The following APBB2 variants were observed in gnomAD, a reference collection of about 807,000 sequenced individuals.
APBB2 encodes Fe65-like 1.
APBB2 carries 38 observed loss-of-function variants against 82.5 expected under a neutral mutation model. The observed-to-expected ratio is 0.46, with a 90% CI of 0.36 to 0.60. The LOEUF is 0.60. APBB2 is among the 20% of genes least tolerant of loss of function. APBB2 has a pLI of 0.00. For missense variants in APBB2, 772 were observed against 972.3 expected (o/e 0.79, Z 2.74); for synonymous variants, 341 against 368.2 (o/e 0.93, Z 0.85).
intron 1 of APBB2, among the ~76,000 whole-genome samples, chr4:41,188,521 C>T (rs955537213): frequency 6.6e-6 from 1 of 152,164 alleles, no homozygotes; most frequent in South Asian, 2.1e-4. Flanking sequence ...CCCTTTTCTG[C>T]CATGTGAGGA....
chr4:40,858,119 C>T (rs534382192), intron 12 of APBB2, among the ~76,000 whole-genome samples: 1 of 152,136 alleles, frequency 6.6e-6, no homozygotes, highest in East Asian at 1.9e-4. Context: ...GAGCGCCCCT[C>T]CCCCCATATA....
intron 1 of APBB2, among the ~76,000 whole-genome samples, chr4:41,144,852 C>T (rs753553202): frequency 1.3e-5 from 2 of 152,212 alleles, no homozygotes; most frequent in Non-Finnish European, 2.9e-5. Flanking sequence ...GGCATGGTGG[C>T]TTATGGCCTG....
intron 2 of APBB2, among the ~76,000 whole-genome samples, chr4:41,121,079 C>T (rs1029939282): frequency 2.0e-5 from 3 of 152,158 alleles, no homozygotes; most frequent in South Asian, 2.1e-4. Flanking sequence ...ACATGCTCAA[C>T]GGTGGAAAAC....
chr4:41,181,860 C>T (rs1771456108), intron 1 of APBB2, among the ~76,000 whole-genome samples: 2 of 149,776 alleles, frequency 1.3e-5, no homozygotes, highest in Non-Finnish European at 3.0e-5. Context: ...GCAGAAGAAT[C>T]GCTTGAACCT....
intron 4 of APBB2, among the ~76,000 whole-genome samples, chr4:41,033,668 G>A (rs957087188): frequency 9.7e-5 from 14 of 143,720 alleles, no homozygotes; most frequent in Admixed American, 6.3e-4. Flanking sequence ...ATTTTGCCAC[G>A]TAAAAATTAA....
At position 40,818,097 on chromosome 4, in the gene APBB2, G is replaced by A. The variant is rs144151129; in HGVS notation, c.2113-1838C>T. On this transcript the variant is annotated intron_variant, in intron 17 of 17. Coordinates refer to ENST00000508593, the MANE Select transcript of APBB2 (RefSeq NM_004307.2). ...CCTATACCACACAGCTGTAAAATATGCCTAAAAATTAAGCAGATTCAAAAG... is the reference window on the plus strand; with the variant it reads ...CCTATACCACACAGCTGTAAAATATACCTAAAAATTAAGCAGATTCAAAAG... Among the ~76,000 whole-genome samples the A allele has an allele frequency of 6.9e-3, 1,055 of 152,274 alleles. 7 individuals carry two copies. Among genetic ancestry groups the A allele is most frequent in the Non-Finnish European group, 0.012 (812 of 68,018 alleles).
At chr4:41,136,259 T>C (rs973192666) in intron 2 of APBB2, among the ~76,000 whole-genome samples, 6 of 152,294 alleles carry the variant, frequency 3.9e-5, no homozygotes, top group African/African-American at 1.4e-4. Context: ...CAGAACATTA[T>C]ACTACACTCC....
intron 7 of APBB2, 122 bp downstream of exon 7, chr4:40,944,743 C>T (rs1293849730): frequency 2.2e-6 from 2 of 911,810 alleles, no homozygotes; most frequent in African/African-American, 1.7e-5. Context: ...ATTTCAAATG[C>T]AACATGCACA....
rs1744807973 is a variant in APBB2 at position 40,813,365 on chromosome 4, A to C, written c.*2727T>G. ...AAAAATATGGTAAGACATAGAAGGC[A>C]TCGTGAACATGGCTGCCTGTTTACC... is the stretch of plus-strand genomic sequence containing the variant. On this transcript the variant is annotated 3_prime_UTR_variant, in exon 18 of 18. Coordinates refer to ENST00000508593, the MANE Select transcript of APBB2 (RefSeq NM_004307.2). The C allele has an allele frequency of 6.6e-6, 1 of 152,274 alleles. No homozygotes were observed. The highest frequency in any genetic ancestry group is 1.5e-5 in the Non-Finnish European group (1 of 68,054). The allele number at this position is 152,274 out of a possible 1,614,324, so 9.4% of individuals were successfully genotyped here.
chr4:41,047,635 A>G (rs1455937355), intron 4 of APBB2, among the ~76,000 whole-genome samples: 1 of 152,246 alleles, frequency 6.6e-6, no homozygotes, highest in Non-Finnish European at 1.5e-5. Flanking sequence ...AACTTGCATA[A>G]CATTGGGACG....
chr4:41,184,261 G>C (rs1226216046), intron 1 of APBB2, among the ~76,000 whole-genome samples: 1 of 152,206 alleles, frequency 6.6e-6, no homozygotes, highest in Non-Finnish European at 1.5e-5. Context: ...ACAGGCCACA[G>C]ACCAGTATCC....
At chr4:40,924,802 T>C (rs1291563154) in intron 10 of APBB2, among the ~76,000 whole-genome samples, 1 of 152,240 alleles carries the variant, frequency 6.6e-6, no homozygotes, top group Non-Finnish European at 1.5e-5. Flanking sequence ...GCTACGAAGT[T>C]TTGGTGCAGT....
intron 1 of APBB2, chr4:41,193,627 CATT>C: frequency 1.1e-6 from 1 of 937,732 alleles, no homozygotes; most frequent in Non-Finnish European, 1.3e-6. Flanking sequence ...CTGTTTTCTG[CATT>C]ATTACTTCTG....
At chr4:40,896,032 CA>C (rs570937718) in intron 10 of APBB2, among the ~76,000 whole-genome samples, 2 of 151,854 alleles carry the variant, frequency 1.3e-5, no homozygotes, top group East Asian at 3.9e-4. Context: ...GGATGATAAA[CA>C]AGGCTGGATA....
At position 40,815,576 on chromosome 4, in the gene APBB2, T is replaced by G. The variant is rs1047554170; in HGVS notation, c.*516A>C. 6 of 153,654 alleles carry G rather than the reference T, an allele frequency of 3.9e-5. No homozygotes were observed. Among genetic ancestry groups the G allele is most frequent in the African/African-American group, 1.4e-4 (6 of 41,466 alleles). The allele number at this position is 153,654 out of a possible 1,614,324, so 9.5% of individuals were successfully genotyped here. Reference sequence around the variant, plus strand: ...CAGCCAATTTTGTCAACCAACAGGTTCAATTTTATGAAAAATTAAAACACA... The same window carrying G: ...CAGCCAATTTTGTCAACCAACAGGTGCAATTTTATGAAAAATTAAAACACA... On this transcript the variant is annotated 3_prime_UTR_variant, in exon 18 of 18. Transcript: ENST00000508593.
At chr4:40,972,969 T>G (rs1383926775) in intron 6 of APBB2, among the ~76,000 whole-genome samples, 5 of 152,240 alleles carry the variant, frequency 3.3e-5, no homozygotes, top group Admixed American at 2.6e-4. Context: ...TTTTATATCC[T>G]TAATCAGAAG....
chr4:40,891,376 T>C (rs1197026847), intron 11 of APBB2, among the ~76,000 whole-genome samples: 1 of 152,170 alleles, frequency 6.6e-6, no homozygotes, highest in Non-Finnish European at 1.5e-5. Context: ...TAAACATCTG[T>C]TGCACAGCTG....
chr4:41,062,293 C>T (rs1730143927), intron 4 of APBB2, among the ~76,000 whole-genome samples: 2 of 152,234 alleles, frequency 1.3e-5, no homozygotes, highest in South Asian at 4.2e-4. Flanking sequence ...CTGCCTCAGC[C>T]TCTCTCGTAG....
chr4:40,918,767 T>TGTTTG (rs34859073), intron 10 of APBB2, among the ~76,000 whole-genome samples: 2 of 149,304 alleles, frequency 1.3e-5, no homozygotes, highest in Non-Finnish European at 3.0e-5. Context: ...CTGTTTTTTT[T>TGTTTG]TTTGTTTGTT....
Sources: allele counts gnomAD v4.1 joint callset (sites outside exome capture counted in the v4.1 genomes callset), GRCh38; gene constraint gnomAD v4.1.1; transcripts MANE v1.5; gene names NCBI Gene and HGNC (gene_info 2026-07-23, HGNC 2026-07-21).